CDH12: variants seen among roughly 807,000 people sequenced by gnomAD.
CDH12 encodes cadherin 12.
A neutral mutation model predicts 74.1 loss-of-function variants in CDH12; 41 were observed. That is an observed-to-expected ratio of 0.55 (90% CI 0.43 to 0.72). The LOEUF is 0.72. Among genes scored for constraint, CDH12 ranks in the 30% least tolerant of loss-of-function variants. The pLI is 0.00. For synonymous variants in CDH12, 399 were observed against 355.0 expected, an observed-to-expected ratio of 1.12 and a Z score of -1.39; for missense variants, 945 against 977.2, an observed-to-expected ratio of 0.97 and a Z score of 0.44.
rs534843489 is a variant in CDH12, at chr5:22,851,874, C to T, written c.-523+1184G>A. On this transcript the variant is annotated intron_variant, in intron 1 of 14. Transcript: ENST00000382254. ...TGTCTAGGATAATTTAATGATGAGGCGCTGCCACTGAATGATGAGGTTCAG... is the reference window on the plus strand; with the variant it reads ...TGTCTAGGATAATTTAATGATGAGGTGCTGCCACTGAATGATGAGGTTCAG... 6.6e-5 allele frequency among the ~76,000 whole-genome samples: 10 copies of T among 152,154 alleles called. No individual in the cohort carries two copies. The East Asian group carries it at 9.7e-4, about 15-fold the overall frequency.
chr5:22,126,847 C>A (rs561455190), intron 4 of CDH12, among the ~76,000 whole-genome samples: 31 of 152,234 alleles, frequency 2.0e-4, no homozygotes, highest in African/African-American at 5.5e-4. Context: ...AGTAAATGAC[C>A]ATTGCTCTTT....
intron 1 of CDH12, among the ~76,000 whole-genome samples, chr5:22,720,119 C>T (rs998017749): frequency 2.0e-5 from 3 of 152,122 alleles, no homozygotes; most frequent in African/African-American, 2.4e-5. Flanking sequence ...TACATGTCCC[C>T]ACTCAAATCT....
At chr5:22,187,813 G>T (rs1185179306) in intron 4 of CDH12, among the ~76,000 whole-genome samples, 1 of 152,084 alleles carries the variant, frequency 6.6e-6, no homozygotes, top group African/African-American at 2.4e-5. Context: ...CACTTGAATT[G>T]GTAAGTTGCT....
At chr5:22,501,820 A>G (rs2126657124) in intron 2 of CDH12, among the ~76,000 whole-genome samples, 1 of 151,846 alleles carries the variant, frequency 6.6e-6, no homozygotes, top group South Asian at 2.1e-4. Flanking sequence ...GACACAGTGA[A>G]CACTAAAGAA....
Position 22,436,972 on chromosome 5 carries a change from A to G in CDH12, c.-427-31621T>C, listed in dbSNP as rs563188122. ...ATGTGGTAAATTTTATTAAAAATAA[A>G]ACATGGAAAAGTCAGTCTTTAATTT... On this transcript the variant is annotated intron_variant, in intron 2 of 14. Transcript: ENST00000382254. Among the ~76,000 whole-genome samples the G allele has an allele frequency of 3.3e-5, 5 of 152,260 alleles. No individual in the cohort carries two copies. The South Asian group carries it at 1.0e-3, about 32-fold the overall frequency.
intron 2 of CDH12, among the ~76,000 whole-genome samples, chr5:22,447,117 C>T (rs973096264): frequency 5.3e-5 from 8 of 152,118 alleles, no homozygotes; most frequent in African/African-American, 1.9e-4. Flanking sequence ...ACATCACAAA[C>T]ATGAGAAAAG....
At chr5:21,781,042 C>A (rs1234555409) in intron 11 of CDH12, among the ~76,000 whole-genome samples, 2 of 152,094 alleles carry the variant, frequency 1.3e-5, no homozygotes, top group Non-Finnish European at 1.5e-5. Flanking sequence ...TGCTTGGTAG[C>A]TAACTCACTG....
intron 3 of CDH12, among the ~76,000 whole-genome samples, chr5:22,264,567 T>A (rs1191175865): frequency 2.0e-5 from 3 of 152,104 alleles, no homozygotes; most frequent in Non-Finnish European, 4.4e-5. Flanking sequence ...AACCAAGGTG[T>A]GTGAGTAATT....
intron 1 of CDH12, among the ~76,000 whole-genome samples, chr5:22,664,666 G>T (rs765193052): frequency 2.0e-5 from 3 of 152,074 alleles, no homozygotes; most frequent in Non-Finnish European, 4.4e-5. Context: ...TGTTTCCTGT[G>T]TTCACTTAAA....
chr5:22,761,406 A>G (rs898828478), intron 1 of CDH12, among the ~76,000 whole-genome samples: 4 of 152,192 alleles, frequency 2.6e-5, no homozygotes, highest in African/African-American at 9.7e-5. Flanking sequence ...GGAAACCCTT[A>G]CAAAGTTATG....
intron 1 of CDH12, among the ~76,000 whole-genome samples, chr5:22,802,152 C>A (rs576461866): frequency 6.9e-6 from 1 of 144,834 alleles, no homozygotes; most frequent in Admixed American, 6.9e-5. Flanking sequence ...GACGGAGTCT[C>A]CCTCTGTCGC....
In CDH12 at chr5:22,530,069, C is replaced by T. The variant is rs1367501315; in HGVS notation, c.-522-24705G>A. ...ATTTAAATTTTAAATTTTTTCATTCCTATTTCAAATTGTTCGATAGTATTA... is the reference window on the plus strand; with the variant it reads ...ATTTAAATTTTAAATTTTTTCATTCTTATTTCAAATTGTTCGATAGTATTA... On this transcript the variant is annotated intron_variant, in intron 1 of 14. Coordinates refer to ENST00000382254, the MANE Select transcript of CDH12 (RefSeq NM_004061.5). Among the ~76,000 whole-genome samples the T allele has an allele frequency of 2.0e-5, 3 of 152,186 alleles. No homozygotes were observed. The East Asian group carries it at 5.8e-4, about 29-fold the overall frequency.
At chr5:22,808,824 T>G (rs1352173009) in intron 1 of CDH12, among the ~76,000 whole-genome samples, 1 of 148,548 alleles carries the variant, frequency 6.7e-6, no homozygotes, top group Non-Finnish European at 1.5e-5. Context: ...GGCCAGGATG[T>G]TCTCAATCTC....
chr5:22,228,247 A>G (rs956078568), intron 3 of CDH12, among the ~76,000 whole-genome samples: 1 of 152,110 alleles, frequency 6.6e-6, no homozygotes, highest in Non-Finnish European at 1.5e-5. Context: ...CAATATTATT[A>G]TAAAACATAG....
intron 1 of CDH12, among the ~76,000 whole-genome samples, chr5:22,730,644 G>C (rs938395590): frequency 6.6e-6 from 1 of 151,784 alleles, no homozygotes; most frequent in Non-Finnish European, 1.5e-5. Flanking sequence ...GATCTGAACA[G>C]ATGTAGCTGT....
At chr5:22,270,441 A>G (rs1393830989) in intron 3 of CDH12, among the ~76,000 whole-genome samples, 1 of 151,710 alleles carries the variant, frequency 6.6e-6, no homozygotes, top group Non-Finnish European at 1.5e-5. Flanking sequence ...TAAAAATACA[A>G]AAAATTAGCC....
At chr5:22,848,597 C>T (rs1269288186) in intron 1 of CDH12, among the ~76,000 whole-genome samples, 1 of 152,108 alleles carries the variant, frequency 6.6e-6, no homozygotes, top group African/African-American at 2.4e-5. Flanking sequence ...GATCTTCTGT[C>T]TGGGATCATT....
In CDH12 at chr5:22,808,302, G is replaced by C. The variant is rs549353135; in HGVS notation, c.-523+44756C>G. ...GAATGCAGAGGTGAACAATGCTAGA[G>C]ACCAAACTGCTTTACAACCTAGCTT... On this transcript the variant is annotated intron_variant, in intron 1 of 14. Transcript: ENST00000382254. 2.6e-5 allele frequency among the ~76,000 whole-genome samples: 4 copies of C among 152,232 alleles called. 1 individual carries two copies. The South Asian group carries it at 8.3e-4, about 32-fold the overall frequency.
In CDH12 at chr5:22,262,180, C is replaced by T. The variant is rs549877102; in HGVS notation, c.-332-49537G>A. 5.6e-4 allele frequency among the ~76,000 whole-genome samples: 85 copies of T among 151,610 alleles called. 1 individual carries two copies. The highest frequency in any genetic ancestry group is 5.1e-3 in the Admixed American group (78 of 15,222). ...ATGTGCACATTGTGCAGGTTAGTTA[C>T]ATATGTATACATGTGCTGTACTGGT... On this transcript the variant is annotated intron_variant, in intron 3 of 14. Transcript: ENST00000382254.
Sources: allele counts gnomAD v4.1 joint callset (sites outside exome capture counted in the v4.1 genomes callset), GRCh38; gene constraint gnomAD v4.1.1; transcripts MANE v1.5; gene names NCBI Gene and HGNC (gene_info 2026-07-23, HGNC 2026-07-21).